Variants in TBC1D5 observed in about 807,000 individuals in gnomAD.
The protein encoded by TBC1D5 is TBC1 domain family, member 5.
In TBC1D5, 75 loss-of-function variants were observed where a neutral mutation model predicts 100.3. That is an observed-to-expected ratio of 0.75 (90% CI 0.62 to 0.91). The LOEUF is 0.91. Ranked by LOEUF, TBC1D5 falls within the 40% of genes least tolerant of loss-of-function variation. The probability of loss-of-function intolerance (pLI) is 0.00; values close to 1 mark genes in which losing one functional copy is unlikely to be tolerated. For synonymous variants in TBC1D5, 323 were observed against 325.6 expected, an observed-to-expected ratio of 0.99 and a Z score of 0.09; for missense variants, 910 against 942.4, an observed-to-expected ratio of 0.97 and a Z score of 0.45.
intron 2 of TBC1D5, among the ~76,000 whole-genome samples, chr3:17,616,464 ATCTG>A (rs1300853265): frequency 2.0e-5 from 3 of 152,004 alleles, no homozygotes. Context: ...TGTCTCGGTG[ATCTG>A]TCTAATACTG....
rs920488286 is a variant in TBC1D5, at chr3:17,639,990, C to G, written c.-100-16077G>C. Among the ~76,000 whole-genome samples the G allele has an allele frequency of 1.6e-4, 25 of 152,142 alleles. 1 individual carries two copies. Among genetic ancestry groups the G allele is most frequent in the Non-Finnish European group, 2.9e-5 (2 of 68,022 alleles). ...ACATGAGATCATGTATTTGCCATCC[C>G]TGCTCTAGCCCACTCTATACTTAGC... On this transcript the variant is annotated intron_variant, in intron 1 of 21. Transcript: ENST00000253692.
At chr3:17,704,560 C>T (rs1448150712) in intron 1 of TBC1D5, among the ~76,000 whole-genome samples, 1 of 84,298 alleles carries the variant, frequency 1.2e-5, no homozygotes, top group Non-Finnish European at 2.4e-5. Flanking sequence ...GCCGACCCCC[C>T]CCACCTCCCT....
At chr3:17,441,161 A>T (rs2094646229) in intron 3 of TBC1D5, among the ~76,000 whole-genome samples, 1 of 152,216 alleles carries the variant, frequency 6.6e-6, no homozygotes, top group Non-Finnish European at 1.5e-5. Flanking sequence ...TTGCTATTTA[A>T]ATCTCATTTG....
intron 15 of TBC1D5, among the ~76,000 whole-genome samples, chr3:17,285,484 T>G (rs2150026223): frequency 6.6e-6 from 1 of 151,814 alleles, no homozygotes; most frequent in Admixed American, 6.6e-5. Context: ...ATGGTCTCGA[T>G]CTCCTGACCT....
At chr3:17,322,089 G>A (rs2085486577) in intron 13 of TBC1D5, among the ~76,000 whole-genome samples, 1 of 152,192 alleles carries the variant, frequency 6.6e-6, no homozygotes, top group Middle Eastern at 3.4e-3. Flanking sequence ...CTGTGATTTG[G>A]GGGAGGGGGA....
At chr3:17,428,164 T>C (rs889001914) in intron 4 of TBC1D5, among the ~76,000 whole-genome samples, 9 of 151,908 alleles carry the variant, frequency 5.9e-5, no homozygotes, top group Admixed American at 2.0e-4. Context: ...ATACTACATG[T>C]GCATTCATTC....
At chr3:17,680,427 A>G (rs2069293298) in intron 1 of TBC1D5, among the ~76,000 whole-genome samples, 1 of 150,758 alleles carries the variant, frequency 6.6e-6, no homozygotes, top group Admixed American at 6.6e-5. Context: ...GGATCTCCCT[A>G]TGTTCCTCAG....
At chr3:17,271,330 G>A (rs753186168) in intron 15 of TBC1D5, among the ~76,000 whole-genome samples, 1 of 152,000 alleles carries the variant, frequency 6.6e-6, no homozygotes, top group South Asian at 2.1e-4. Flanking sequence ...GACCTTTCAT[G>A]TCCTTGGGAA....
intron 19 of TBC1D5, among the ~76,000 whole-genome samples, chr3:17,174,283 G>T (rs1301418232): frequency 6.6e-6 from 1 of 151,832 alleles, no homozygotes; most frequent in African/African-American, 2.4e-5. Flanking sequence ...GGCACCAAAG[G>T]TGCCAGGTTC....
chr3:17,271,689 T>TA (rs1268286070), intron 15 of TBC1D5, among the ~76,000 whole-genome samples: 2 of 152,100 alleles, frequency 1.3e-5, no homozygotes, highest in Admixed American at 6.5e-5. Flanking sequence ...TTCCAGTTCT[T>TA]AAGGGGAATG....
At chr3:17,275,594 A>G (rs2079904031) in intron 15 of TBC1D5, among the ~76,000 whole-genome samples, 1 of 152,230 alleles carries the variant, frequency 6.6e-6, no homozygotes, top group African/African-American at 2.4e-5. Flanking sequence ...TTTCCAGGTT[A>G]GCAAGACTTG....
intron 1 of TBC1D5, among the ~76,000 whole-genome samples, chr3:17,654,943 T>C (rs887607904): frequency 6.6e-6 from 1 of 152,092 alleles, no homozygotes; most frequent in African/African-American, 2.4e-5. Flanking sequence ...CTAGTTTATT[T>C]GCGTAGAGGT....
chr3:17,697,841 C>A (rs1266288360), intron 1 of TBC1D5, among the ~76,000 whole-genome samples: 1 of 152,042 alleles, frequency 6.6e-6, no homozygotes, highest in Non-Finnish European at 1.5e-5. Flanking sequence ...CATCACACTA[C>A]CTGACTTCAA....
chr3:17,295,936 G>C (rs1053865480), intron 14 of TBC1D5, among the ~76,000 whole-genome samples: 8 of 152,132 alleles, frequency 5.3e-5, no homozygotes, highest in Non-Finnish European at 1.2e-4. Flanking sequence ...GTGCAGAGTA[G>C]GTAACAGCAC....
exon 14 of TBC1D5, chr3:17,307,993 A>G (rs1343833465): frequency 6.2e-7 from 1 of 1,601,554 alleles, no homozygotes; most frequent in Admixed American, 1.8e-5. Flanking sequence ...AATACTTACA[A>G]GCATCTCGGA....
intron 14 of TBC1D5, 61 bp from the exon 15 acceptor site, chr3:17,292,062 G>T: frequency 7.1e-7 from 1 of 1,398,704 alleles, no homozygotes; most frequent in East Asian, 2.4e-5. Context: ...GCATTGCTGA[G>T]AATATAAAAT....
intron 2 of TBC1D5, among the ~76,000 whole-genome samples, chr3:17,603,269 T>C (rs187954170): frequency 2.1e-4 from 32 of 151,464 alleles, no homozygotes; most frequent in Admixed American, 1.5e-3. Flanking sequence ...GATTCTCTCA[T>C]GATGAGACAG....
chr3:17,425,127 A>G (rs910487656), intron 4 of TBC1D5, among the ~76,000 whole-genome samples: 1 of 152,106 alleles, frequency 6.6e-6, no homozygotes, highest in African/African-American at 2.4e-5. Flanking sequence ...GATGATGACA[A>G]TGATGATGAT....
At chr3:17,288,575 C>T (rs1472209678) in intron 15 of TBC1D5, among the ~76,000 whole-genome samples, 3 of 152,112 alleles carry the variant, frequency 2.0e-5, no homozygotes, top group African/African-American at 7.2e-5. Context: ...TTTGTTTTAG[C>T]CATTTTTTGC....
Sources: gnomAD v4.1 joint callset for allele counts (sites outside exome capture counted in the v4.1 genomes callset) on GRCh38, gnomAD v4.1.1 for gene constraint, MANE v1.5 for transcripts, NCBI Gene and HGNC (gene_info 2026-07-23, HGNC 2026-07-21) for gene names.